The following DLGAP2 variants were observed in gnomAD, a reference collection of about 807,000 sequenced individuals.
DLGAP2 encodes the protein disks large-associated protein 2.
DLGAP2 carries 26 observed loss-of-function variants against 100.3 expected under a neutral mutation model. That is an observed-to-expected ratio of 0.26 (90% CI 0.19 to 0.36). DLGAP2 has a LOEUF of 0.36. Ranked by LOEUF, DLGAP2 falls within the 10% of genes least tolerant of loss-of-function variation. DLGAP2 has a pLI of 1.00. For synonymous variants in DLGAP2, 886 were observed against 630.1 expected, an observed-to-expected ratio of 1.41 and a Z score of -6.08; for missense variants, 1,858 against 1,453.2, an observed-to-expected ratio of 1.28 and a Z score of -4.53.
At chr8:1,149,715 T>C (rs1796666294) in intron 2 of DLGAP2, among the ~76,000 whole-genome samples, 1 of 152,248 alleles carries the variant, frequency 6.6e-6, no homozygotes, top group Non-Finnish European at 1.5e-5. Flanking sequence ...TGTTGTATTC[T>C]CCACTTATTT....
At chr8:1,505,007 A>G (rs1799856786) in intron 4 of DLGAP2, among the ~76,000 whole-genome samples, 1 of 152,204 alleles carries the variant, frequency 6.6e-6, no homozygotes, top group Non-Finnish European at 1.5e-5. Flanking sequence ...CACAAAAAGA[A>G]AGGAAGGAAG....
At chr8:1,481,205 A>T (rs1277697969) in intron 3 of DLGAP2, among the ~76,000 whole-genome samples, 2 of 152,126 alleles carry the variant, frequency 1.3e-5, no homozygotes, top group African/African-American at 4.8e-5. Flanking sequence ...AAACCATCAA[A>T]AATGAAAGAA....
intron 3 of DLGAP2, among the ~76,000 whole-genome samples, chr8:1,343,287 A>G (rs1158890353): frequency 6.6e-6 from 1 of 152,212 alleles, no homozygotes; most frequent in Non-Finnish European, 1.5e-5. Flanking sequence ...CTGAGCCTCC[A>G]GGTGTCTCTC....
At chr8:862,801 C>T (rs1443072302) in intron 1 of DLGAP2, among the ~76,000 whole-genome samples, 1 of 152,166 alleles carries the variant, frequency 6.6e-6, no homozygotes, top group Non-Finnish European at 1.5e-5. Flanking sequence ...GCCCCAAAGT[C>T]TGGTGTTGAC....
At chr8:1,198,671 C>A (rs1797805127) in intron 2 of DLGAP2, among the ~76,000 whole-genome samples, 1 of 152,208 alleles carries the variant, frequency 6.6e-6, no homozygotes, top group African/African-American at 2.4e-5. Flanking sequence ...CCCAGCTCCA[C>A]CCCATGTCCA....
intron 10 of DLGAP2, among the ~76,000 whole-genome samples, chr8:1,675,106 C>A (rs1157961793): frequency 6.6e-6 from 1 of 152,222 alleles, no homozygotes; most frequent in Non-Finnish European, 1.5e-5. Flanking sequence ...CTAGGGTCAG[C>A]TTCTGCAAAC....
At chr8:1,019,805 A>C (rs1444994772) in intron 2 of DLGAP2, 1 of 152,172 alleles carries the variant, frequency 6.6e-6, no homozygotes. Context: ...ATTCAGGTAA[A>C]ATAAACCGAG....
intron 2 of DLGAP2, among the ~76,000 whole-genome samples, chr8:1,179,340 C>G (rs1004554363): frequency 6.6e-6 from 1 of 152,256 alleles, no homozygotes; most frequent in Non-Finnish European, 1.5e-5. Flanking sequence ...TGGCCAGGCA[C>G]CAGCTGAGGC....
intron 2 of DLGAP2, among the ~76,000 whole-genome samples, chr8:1,239,892 A>G (rs1373987332): frequency 8.3e-6 from 1 of 120,042 alleles, no homozygotes; most frequent in African/African-American, 3.4e-5. Context: ...GTTCTCTCAC[A>G]TGGTGCCATG....
intron 6 of DLGAP2, among the ~76,000 whole-genome samples, chr8:1,623,355 T>C (rs1797397976): frequency 7.2e-6 from 1 of 138,784 alleles, no homozygotes; most frequent in African/African-American, 2.7e-5. Flanking sequence ...TGAAGACCTG[T>C]GCGTGATGAC....
At chr8:1,481,247 A>G (rs1363053986) in intron 3 of DLGAP2, among the ~76,000 whole-genome samples, 3 of 152,140 alleles carry the variant, frequency 2.0e-5, no homozygotes, top group Non-Finnish European at 4.4e-5. Context: ...AACCTCCTGG[A>G]GCCTAGTTTT....
At chr8:1,296,594 G>A (rs1342838230) in intron 3 of DLGAP2, among the ~76,000 whole-genome samples, 1 of 152,150 alleles carries the variant, frequency 6.6e-6, no homozygotes, top group African/African-American at 2.4e-5. Context: ...ATATTTTTCT[G>A]GGGTAGCATA....
rs143339996 is a variant in DLGAP2, at chr8:1,030,687, T to C, written c.73+122721T>C. Among the ~76,000 whole-genome samples the C allele has an allele frequency of 3.9e-4, 60 of 152,366 alleles. No homozygotes were observed. The East Asian group carries it at 9.5e-3, about 24-fold the overall frequency. On this transcript the variant is annotated intron_variant, in intron 2 of 14. Coordinates refer to ENST00000637795, the MANE Select transcript of DLGAP2 (RefSeq NM_001346810.2). ...ATGTGGGCTCTACCCTTTCTTTTGG[T>C]TGCTTTGCAGTTTTGCTTCAGAGAA... is the stretch of plus-strand genomic sequence containing the variant.
At chr8:1,664,238 G>A (rs578248427) in intron 8 of DLGAP2, among the ~76,000 whole-genome samples, 16 of 152,130 alleles carry the variant, frequency 1.1e-4, no homozygotes, top group Admixed American at 2.6e-4. Context: ...GCATCGGTGC[G>A]TCTACAACAC....
At chr8:1,609,734 A>T (rs1029018636) in intron 6 of DLGAP2, among the ~76,000 whole-genome samples, 1 of 122,248 alleles carries the variant, frequency 8.2e-6, no homozygotes, top group Non-Finnish European at 1.8e-5. Flanking sequence ...CAGGGGTTGC[A>T]ATCCTAGTCT....
At chr8:1,605,924 C>T (rs1291907591) in intron 6 of DLGAP2, among the ~76,000 whole-genome samples, 4 of 152,350 alleles carry the variant, frequency 2.6e-5, no homozygotes, top group East Asian at 3.9e-4. Context: ...AGCTCGAGCT[C>T]GTGCTGTAGA....
intron 2 of DLGAP2, among the ~76,000 whole-genome samples, chr8:1,169,622 GTATTT>G (rs1213573339): frequency 6.6e-6 from 1 of 152,058 alleles, no homozygotes; most frequent in Non-Finnish European, 1.5e-5. Flanking sequence ...GCATTCCTAG[GTATTT>G]TATTCTCTTT....
chr8:1,676,742 C>T (rs904957512), intron 11 of DLGAP2, 124 bp downstream of exon 11: 18 of 917,630 alleles, frequency 2.0e-5, no homozygotes, highest in Non-Finnish European at 2.3e-5. Context: ...CAGGGCCATA[C>T]GTTTATACTT....
intron 1 of DLGAP2, among the ~76,000 whole-genome samples, chr8:784,374 A>G (rs1821781407): frequency 6.6e-6 from 1 of 152,258 alleles, no homozygotes; most frequent in South Asian, 2.1e-4. Flanking sequence ...AGACAGAAAA[A>G]GAGAGGAAAA....
Sources: allele counts gnomAD v4.1 joint callset (sites outside exome capture counted in the v4.1 genomes callset), GRCh38; gene constraint gnomAD v4.1.1; transcripts MANE v1.5; gene names NCBI Gene and HGNC (gene_info 2026-07-23, HGNC 2026-07-21).